Variants in COL6A5 observed in about 807,000 individuals in gnomAD.
COL6A5 encodes collagen alpha-5(VI) chain.
Under a neutral mutation model 65.6 loss-of-function variants are expected in COL6A5, and 48 were observed. The ratio of observed to expected loss-of-function variants is 0.73; its 90% CI spans 0.58 to 0.93. The LOEUF is 0.93. Ranked by LOEUF, COL6A5 falls within the 40% of genes least tolerant of loss-of-function variation. COL6A5 has a pLI of 0.00. For missense variants in COL6A5, 914 were observed against 928.3 expected (o/e 0.98, Z 0.20); for synonymous variants, 291 against 322.8 (o/e 0.90, Z 1.05).
intron 27 of COL6A5, among the ~76,000 whole-genome samples, chr3:130,421,970 G>T (rs1937527169): frequency 6.6e-6 from 1 of 151,962 alleles, no homozygotes; most frequent in Admixed American, 6.6e-5. Flanking sequence ...TTGGAATTCT[G>T]TAAAAAGATC....
At chr3:130,474,390 A>G (rs1402538978) in intron 7 of COL6A5, among the ~76,000 whole-genome samples, 1 of 152,108 alleles carries the variant, frequency 6.6e-6, no homozygotes, top group African/African-American at 2.4e-5. Context: ...AATATTCAAA[A>G]TGTTCAGGAT....
chr3:130,378,894 A>G (rs1935884251), intron 3 of COL6A5, among the ~76,000 whole-genome samples: 1 of 152,194 alleles, frequency 6.6e-6, no homozygotes, highest in African/African-American at 2.4e-5. Context: ...TGTGTGAAAT[A>G]ATACAATCTA....
chr3:130,358,808 C>T (rs2107618848), intron 1 of COL6A5, among the ~76,000 whole-genome samples: 1 of 152,150 alleles, frequency 6.6e-6, no homozygotes, highest in African/African-American at 2.4e-5. Flanking sequence ...TCGTTTTGAC[C>T]CCAAATTTCC....
intron 7 of COL6A5, among the ~76,000 whole-genome samples, chr3:130,480,749 T>A (rs1710217924): frequency 6.6e-6 from 1 of 151,250 alleles, no homozygotes; most frequent in African/African-American, 2.5e-5. Flanking sequence ...TAAGCAAAAA[T>A]TTTTAAAGAC....
At chr3:130,361,338 T>C (rs1250141470) in intron 1 of COL6A5, among the ~76,000 whole-genome samples, 1 of 152,080 alleles carries the variant, frequency 6.6e-6, no homozygotes, top group Admixed American at 6.6e-5. Context: ...AAAAATACAG[T>C]ATATAGCCTT....
intron 5 of COL6A5, 144 bp from the exon 38 acceptor site, chr3:130,468,651 A>G: frequency 1.6e-6 from 1 of 628,014 alleles, no homozygotes; most frequent in Non-Finnish European, 2.8e-6. Context: ...GCATCTGGGA[A>G]CAAGCAATGT....
At chr3:130,362,256 C>CTCTCTCTCTT (rs1553744422) in intron 1 of COL6A5, among the ~76,000 whole-genome samples, 4 of 138,322 alleles carry the variant, frequency 2.9e-5, no homozygotes, top group Non-Finnish European at 6.1e-5. Context: ...GTTTCTTTCT[C>CTCTCTCTCTT]TCTCTCTCTC....
rs988755866 is a variant in COL6A5 at position 130,395,150 on chromosome 3, G to T, written c.3253G>T (p.Asp1085Tyr). 38 of 1,551,570 alleles carry T rather than the reference G, an allele frequency of 2.4e-5. 1 individual carries two copies. The highest frequency in any genetic ancestry group is 1.6e-4 in the Admixed American group (8 of 50,984). ...CAAGAGCGGTGGATTTCCAAGAATT[G>T]ACTTTGCCCTTAAAAAAGTGAGCAA... The change falls in exon 8 of 42, where the codon GAC becomes TAC. Residue 1085 changes from aspartate (D) to tyrosine (Y), a missense_variant and NMD_transcript_variant. By Grantham distance (160) the Asp-to-Tyr change is radical (BLOSUM62 -3). Transcript: ENST00000312481.
At chr3:130,472,832 C>T (rs368744383) in intron 7 of COL6A5, among the ~76,000 whole-genome samples, 232 of 99,352 alleles carry the variant, frequency 2.3e-3, no homozygotes, top group East Asian at 4.7e-3. Flanking sequence ...TGTGTGTATA[C>T]ATATATATAT....
At chr3:130,415,791 T>C (rs1559890297) in intron 23 of COL6A5, 84 bp downstream of exon 23, 19 of 1,176,284 alleles carry the variant, frequency 1.6e-5, no homozygotes, top group Non-Finnish European at 2.1e-5. Context: ...ATATAATTTT[T>C]TGTATTATTT....
chr3:130,379,604 C>T (rs867684833), exon 4 of COL6A5: 1 of 1,551,424 alleles, frequency 6.4e-7, no homozygotes, highest in Non-Finnish European at 8.7e-7. Flanking sequence ...AGTGCCAAGA[C>T]TATTTCTTTT....
At chr3:130,360,977 C>T (rs886609708) in intron 1 of COL6A5, among the ~76,000 whole-genome samples, 9 of 151,940 alleles carry the variant, frequency 5.9e-5, no homozygotes, top group African/African-American at 1.7e-4. Context: ...AATTGAGCAA[C>T]AAGTACAAAG....
intron 24 of COL6A5, among the ~76,000 whole-genome samples, chr3:130,418,498 C>T (rs1321763739): frequency 6.6e-6 from 1 of 152,120 alleles, no homozygotes; most frequent in South Asian, 2.1e-4. Context: ...CTAATAATTT[C>T]TTTTTCCAGC....
rs78457124 is a variant in COL6A5, at chr3:130,354,685, C to T, written c.-29+8704C>T. 9.8e-3 allele frequency among the ~76,000 whole-genome samples: 1,495 copies of T among 152,306 alleles called. 16 individuals are homozygous for T. Among genetic ancestry groups the T allele is most frequent in the South Asian group, 0.081 (389 of 4,822 alleles). On this transcript the variant is annotated intron_variant and NMD_transcript_variant, in intron 1 of 41. Transcript: ENST00000312481. ...ACTTGAAGAGTCATCTAGCCCAGAG[C>T]TTCACAGCTGGTGTGCTTTGTAAGA...
chr3:130,477,304 T>G, intron 7 of COL6A5: 1 of 435,448 alleles, frequency 2.3e-6, no homozygotes, highest in African/African-American at 2.0e-5. Flanking sequence ...TGATCATCTA[T>G]TTGACAATTA....
intron 16 of COL6A5, 43 bp downstream of exon 16, chr3:130,406,218 T>G: frequency 6.5e-7 from 1 of 1,549,142 alleles, no homozygotes; most frequent in Non-Finnish European, 8.7e-7. Flanking sequence ...GTCATGAGGT[T>G]GCTAAAATTT....
At chr3:130,382,372 A>G (rs1044627226) in intron 4 of COL6A5, among the ~76,000 whole-genome samples, 1 of 152,162 alleles carries the variant, frequency 6.6e-6, no homozygotes, top group African/African-American at 2.4e-5. Flanking sequence ...CTACAGATAT[A>G]GCATTTGCTA....
rs754117911 is a variant in COL6A5, at chr3:130,422,794, A to G, written c.5100+12A>G. 9.7e-6 allele frequency: 14 copies of G among 1,440,412 alleles called. No homozygotes were observed. Among genetic ancestry groups the G allele is most frequent in the South Asian group, 6.8e-5 (5 of 73,192 alleles). The allele number at this position is 1,440,412 out of a possible 1,614,324, so 89.2% of individuals were successfully genotyped here. ...TTAGGGGACTAGCAGTAAGTAGCCT[A>G]TAATTCCAGAAATGATAAATATTCC... is the stretch of plus-strand genomic sequence containing the variant. On this transcript the variant is annotated intron_variant and NMD_transcript_variant, in intron 28 of 41. Transcript: ENST00000312481.
At chr3:130,360,747 C>A (rs1935077556) in intron 1 of COL6A5, among the ~76,000 whole-genome samples, 1 of 152,064 alleles carries the variant, frequency 6.6e-6, no homozygotes, top group South Asian at 2.1e-4. Flanking sequence ...TTATACCATT[C>A]TTATGATAAA....
Sources: gnomAD v4.1 joint callset for allele counts (sites outside exome capture counted in the v4.1 genomes callset) on GRCh38, gnomAD v4.1.1 for gene constraint, MANE v1.5 for transcripts, NCBI Gene and HGNC (gene_info 2026-07-23, HGNC 2026-07-21) for gene names.